BLMH: variants seen among roughly 807,000 people sequenced by gnomAD.
The protein encoded by BLMH is BLM hydrolase.
BLMH carries 32 observed loss-of-function variants against 61.6 expected under a neutral mutation model. That is an observed-to-expected ratio of 0.52 (90% CI 0.39 to 0.70). BLMH has a LOEUF of 0.70. Ranked by LOEUF, BLMH falls within the 30% of genes least tolerant of loss-of-function variation. The pLI, the probability that BLMH is intolerant of heterozygous loss-of-function variation, is 0.00. For synonymous variants in BLMH, 183 were observed against 193.8 expected (o/e 0.94, Z 0.46); for missense variants, 460 against 555.5 (o/e 0.83, Z 1.73).
chr17:30,258,639 C>A (rs1045794804), intron 11 of BLMH, among the ~76,000 whole-genome samples: 1 of 152,144 alleles, frequency 6.6e-6, no homozygotes, highest in African/African-American at 2.4e-5. Flanking sequence ...GTTCACCTCC[C>A]GGCTGACTTC....
At position 30,248,981 on chromosome 17, in the gene BLMH, G is replaced by C. The variant is rs1907601706; in HGVS notation, c.*36C>G. 3 of 1,611,546 alleles carry C rather than the reference G, an allele frequency of 1.9e-6. No individual in the cohort carries two copies. Among genetic ancestry groups the C allele is most frequent in the East Asian group, 2.2e-5 (1 of 44,864 alleles). ...GGATCTGTCCTTTGCAGCTACGTCA[G>C]GTTCCATGGAAGGAGGAAAGAGCTG... On this transcript the variant is annotated 3_prime_UTR_variant, in exon 12 of 12. Coordinates refer to ENST00000261714, the MANE Select transcript of BLMH (RefSeq NM_000386.4).
chr17:30,271,381 G>T lies in BLMH; in HGVS notation c.1036C>A (p.His346Asn). 1 of 1,611,748 alleles carries T rather than the reference G, an allele frequency of 6.2e-7. No individual in the cohort carries two copies. Among genetic ancestry groups the T allele is most frequent in the Non-Finnish European group, 8.5e-7 (1 of 1,177,894 alleles). The change falls in exon 10 of 12, where the codon CAT becomes AAT. Residue 346 changes from histidine to asparagine, a missense_variant. Around this residue, in one of 5 missense-constraint regions of BLMH, gnomAD observed 310 missense variants for 371.1 expected, o/e 0.84. Coordinates refer to ENST00000261714, the MANE Select transcript of BLMH (RefSeq NM_000386.4). The stretch of plus-strand genomic sequence containing the variant: ...AAGGAGACACCAAACACTAACTCAT[G>T]GTCATAGCTGTAAAAAGAATGATAG... ...LGLSDMNLYD[H>N]ELVFGVSLKN... is the part of the protein sequence containing the mutation.
chr17:30,256,379 A>G (rs1179609293), intron 11 of BLMH, among the ~76,000 whole-genome samples: 2 of 152,166 alleles, frequency 1.3e-5, no homozygotes, highest in Non-Finnish European at 2.9e-5. Flanking sequence ...CTCAGGCTGG[A>G]GTGCAGTGGC....
intron 10 of BLMH, among the ~76,000 whole-genome samples, chr17:30,270,130 T>A (rs974843442): frequency 2.6e-5 from 4 of 152,194 alleles, no homozygotes; most frequent in Non-Finnish European, 5.9e-5. Context: ...TGTGGCATAA[T>A]GATATGCTAA....
At chr17:30,270,232 G>A (rs968205293) in intron 10 of BLMH, among the ~76,000 whole-genome samples, 1 of 152,180 alleles carries the variant, frequency 6.6e-6, no homozygotes, top group East Asian at 1.9e-4. Context: ...GGGTGCGGTG[G>A]CTCATGCCTG....
At chr17:30,264,883 T>C (rs955734180) in intron 11 of BLMH, among the ~76,000 whole-genome samples, 30 of 152,206 alleles carry the variant, frequency 2.0e-4, no homozygotes, top group African/African-American at 6.5e-4. Context: ...TATCACCAAC[T>C]TACAGATATA....
At chr17:30,252,523 C>G (rs1444106021) in intron 11 of BLMH, among the ~76,000 whole-genome samples, 4 of 138,344 alleles carry the variant, frequency 2.9e-5, no homozygotes, top group Admixed American at 2.9e-4. Flanking sequence ...ATGGCGAAAC[C>G]CCATCCTCAC....
At chr17:30,257,577 C>G (rs1430393971) in intron 11 of BLMH, among the ~76,000 whole-genome samples, 1 of 151,984 alleles carries the variant, frequency 6.6e-6, no homozygotes, top group Admixed American at 6.6e-5. Context: ...GATTTTGGAA[C>G]AATGTAATTT....
In BLMH at chr17:30,271,316, C is replaced by T. The variant is rs1335997570; in HGVS notation, c.1101G>A (p.Glu367=). The change falls in exon 10 of 12, where the codon GAG becomes GAA. Residue 367 remains glutamate (E), a synonymous_variant. Coordinates refer to ENST00000261714, the MANE Select transcript of BLMH (RefSeq NM_000386.4). ...AGGTCATGGCGTGGGTCATAAGTGA[C>T]TCACCAAAAGTCAGCCTCTCCGCTT... is the stretch of plus-strand genomic sequence containing the variant. The part of the protein sequence containing the change: ...MNKAERLTFG[E]SLMTHAMTFT... The T allele has an allele frequency of 6.8e-6, 11 of 1,614,040 alleles. No homozygotes were observed. The Admixed American group carries it at 1.7e-4, about 24-fold the overall frequency.
Position 30,249,012 on chromosome 17 carries a change from C to A in BLMH, c.*5G>T. On this transcript the variant is annotated 3_prime_UTR_variant, in exon 12 of 12. Coordinates refer to ENST00000261714, the MANE Select transcript of BLMH (RefSeq NM_000386.4). ...ATGGAAGGAGGAAAGAGCTGGAGGG[C>A]AGTATCACTCAGCCAAAGCTCCCAT... 1 of 1,613,740 alleles carries A rather than the reference C, an allele frequency of 6.2e-7. No individual in the cohort carries two copies. Among genetic ancestry groups the A allele is most frequent in the Non-Finnish European group, 8.5e-7 (1 of 1,179,836 alleles).
At position 30,287,994 on chromosome 17, in the gene BLMH, A is replaced by C. The variant is rs749259171; in HGVS notation, c.322-47T>G. On this transcript the variant is annotated intron_variant, in intron 3 of 11. Transcript: ENST00000261714. ...ATAACATTAAAAGAAAAAAGTGTCAATAATTTTATTGGCATTATCAACAGA... is the reference window on the plus strand; with the variant it reads ...ATAACATTAAAAGAAAAAAGTGTCACTAATTTTATTGGCATTATCAACAGA... The C allele has an allele frequency of 9.0e-6, 14 of 1,549,380 alleles. No homozygotes were observed. The South Asian group carries it at 1.6e-4, about 18-fold the overall frequency.
chr17:30,266,837 T>A (rs762830685), intron 11 of BLMH, 48 bp downstream of exon 11: 1 of 1,548,332 alleles, frequency 6.5e-7, no homozygotes, highest in African/African-American at 1.4e-5. Context: ...ACAGGCAGAG[T>A]AGAGCAGGCC....
At chr17:30,270,926 T>C (rs1216227567) in intron 10 of BLMH, among the ~76,000 whole-genome samples, 1 of 152,204 alleles carries the variant, frequency 6.6e-6, no homozygotes, top group Non-Finnish European at 1.5e-5. Context: ...GTCATCAAGA[T>C]ATGAACACTT....
intron 10 of BLMH, among the ~76,000 whole-genome samples, chr17:30,267,751 CTT>C (rs553165749): frequency 3.6e-4 from 55 of 152,262 alleles, no homozygotes; most frequent in African/African-American, 1.3e-3. Flanking sequence ...TGGGAAAAGA[CTT>C]TTTTCTTTCA....
Position 30,270,640 on chromosome 17 carries a change from A to C in BLMH, c.1146+631T>G, listed in dbSNP as rs139384115. Among the ~76,000 whole-genome samples the C allele has an allele frequency of 2.7e-3, 413 of 152,286 alleles. 4 individuals carry two copies. The highest frequency in any genetic ancestry group is 5.0e-3 in the Non-Finnish European group (341 of 68,034). On this transcript the variant is annotated intron_variant, in intron 10 of 11. Coordinates refer to ENST00000261714, the MANE Select transcript of BLMH (RefSeq NM_000386.4). ...AAGTAGTTCAAGTTCTTCCTTCCTG[A>C]TGATCCTGAGCACAGAGGTGAAAAT...
chr17:30,257,256 T>C (rs557240880), intron 11 of BLMH, among the ~76,000 whole-genome samples: 19 of 152,224 alleles, frequency 1.2e-4, no homozygotes, highest in Admixed American at 1.1e-3. Context: ...GTCCCATTAG[T>C]AAAGGAAATG....
At chr17:30,276,291 AG>A (rs1908423003) in intron 6 of BLMH, among the ~76,000 whole-genome samples, 1 of 152,206 alleles carries the variant, frequency 6.6e-6, no homozygotes, top group South Asian at 2.1e-4. Context: ...TTTACAGATA[AG>A]GATATCAAGG....
At chr17:30,251,366 G>T (rs984745347) in intron 11 of BLMH, among the ~76,000 whole-genome samples, 3 of 152,202 alleles carry the variant, frequency 2.0e-5, no homozygotes, top group African/African-American at 7.2e-5. Context: ...ACTGAAGTCC[G>T]TATATTTAAA....
intron 11 of BLMH, among the ~76,000 whole-genome samples, chr17:30,255,664 C>T (rs750591484): frequency 5.9e-5 from 9 of 152,154 alleles, no homozygotes; most frequent in South Asian, 2.1e-4. Flanking sequence ...TTTGGGAGGC[C>T]GAGGCGGGCA....
Sources: gnomAD v4.1 joint callset for allele counts (sites outside exome capture counted in the v4.1 genomes callset) on GRCh38, gnomAD v4.1.1 for gene constraint, gnomAD v4.1.1 regional missense constraint, MANE v1.5 for transcripts, NCBI Gene and HGNC (gene_info 2026-07-23, HGNC 2026-07-21) for gene names.